SOX6: variants seen among roughly 807,000 people sequenced by gnomAD.
SOX6 encodes transcription factor SOX-6.
SOX6 carries 11 observed loss-of-function variants against 97.8 expected under a neutral mutation model. The ratio of observed to expected loss-of-function variants is 0.11; its 90% CI spans 0.07 to 0.19. The LOEUF (loss-of-function observed/expected upper bound fraction) is 0.19, where lower values mean the gene tolerates loss of function less well. Ranked by LOEUF, SOX6 falls within the 10% of genes least tolerant of loss-of-function variation. The pLI is 1.00. For missense variants in SOX6, 810 were observed against 1,039.5 expected, an observed-to-expected ratio of 0.78 and a Z score of 3.04; for synonymous variants, 360 against 371.4, an observed-to-expected ratio of 0.97 and a Z score of 0.35.
chr11:16,031,883 C>T (rs566004821), intron 12 of SOX6, among the ~76,000 whole-genome samples: 2 of 151,812 alleles, frequency 1.3e-5, no homozygotes, highest in East Asian at 3.9e-4. Context: ...GGACCGAGGG[C>T]GATGCATCCA....
At chr11:16,467,091 C>A (rs1860054283) in intron 1 of SOX6, among the ~76,000 whole-genome samples, 1 of 151,924 alleles carries the variant, frequency 6.6e-6, no homozygotes, top group Non-Finnish European at 1.5e-5. Context: ...CAATAGGATA[C>A]CATCTTATAT....
chr11:16,602,897 T>C (rs1300301482), intron 4 of SOX6, among the ~76,000 whole-genome samples: 2 of 152,162 alleles, frequency 1.3e-5, no homozygotes, highest in African/African-American at 4.8e-5. Flanking sequence ...GGCGTGTGCC[T>C]GTAATCCCAG....
intron 9 of SOX6, among the ~76,000 whole-genome samples, chr11:16,087,239 ATATG>A (rs1848597966): frequency 6.6e-6 from 1 of 152,162 alleles, no homozygotes; most frequent in Non-Finnish European, 1.5e-5. Flanking sequence ...ATGTATACAT[ATATG>A]TATGTATATA....
rs189913568 is a variant in SOX6, at chr11:16,226,914, T to C, written c.535+7668A>G. Among the ~76,000 whole-genome samples the C allele has an allele frequency of 1.1e-4, 17 of 152,284 alleles. No homozygotes were observed. The East Asian group carries it at 3.3e-3, about 29-fold the overall frequency. ...GGAGGAACAGCCCATAATCTATCTT[T>C]TTCTTGCTCCCACTGCAGAATTCAA... On this transcript the variant is annotated intron_variant, in intron 4 of 15. Transcript: ENST00000683767.
chr11:16,404,370 C>G (rs370304313), intron 1 of SOX6, among the ~76,000 whole-genome samples: 1 of 151,800 alleles, frequency 6.6e-6, no homozygotes, highest in African/African-American at 2.4e-5. Context: ...GCCCTCACCA[C>G]GGGAATTCTG....
At chr11:16,290,747 A>G (rs898488255) in intron 3 of SOX6, among the ~76,000 whole-genome samples, 1 of 152,054 alleles carries the variant, frequency 6.6e-6, no homozygotes, top group African/African-American at 2.4e-5. Flanking sequence ...CAATACAACA[A>G]AAACAACGTT....
rs1860759953 is a variant in SOX6, at chr11:16,504,791, C to A, written n.610-28403G>T. On this transcript the variant is annotated intron_variant and non_coding_transcript_variant, in intron 4 of 5. Transcript: ENST00000524520. ...CCCATGCTGTTCTTGTAATAGAGTTCTCCCCAGATCTACTTGTTTAAAAGT... is the reference window on the plus strand; with the variant it reads ...CCCATGCTGTTCTTGTAATAGAGTTATCCCCAGATCTACTTGTTTAAAAGT... 3.3e-5 allele frequency among the ~76,000 whole-genome samples: 5 copies of A among 152,060 alleles called. No individual in the cohort carries two copies. In the South Asian group the frequency reaches 1.0e-3, roughly 32 times the overall value.
chr11:16,477,890 C>G (rs935523341), upstream of SOX6, among the ~76,000 whole-genome samples: 1 of 152,136 alleles, frequency 6.6e-6, no homozygotes, highest in African/African-American at 2.4e-5. Context: ...GCAAGAAGTA[C>G]AGGACAGTCT....
chr11:16,374,649 A>G (rs768773818), intron 1 of SOX6, among the ~76,000 whole-genome samples: 2 of 152,096 alleles, frequency 1.3e-5, no homozygotes, highest in African/African-American at 2.4e-5. Flanking sequence ...TGTTAAAAAC[A>G]TGTGGTGAGG....
At chr11:16,359,466 T>C (rs1834088970), upstream of SOX6, among the ~76,000 whole-genome samples, 1 of 151,996 alleles carries the variant, frequency 6.6e-6, no homozygotes, top group South Asian at 2.1e-4. Context: ...ATTTCCCTTA[T>C]GAAAAAAAAA....
At position 16,570,399 on chromosome 11, in the gene SOX6, A is replaced by T. The variant is rs184401421; in HGVS notation, n.609+41682T>A. On this transcript the variant is annotated intron_variant and non_coding_transcript_variant, in intron 4 of 5. Transcript: ENST00000524520. ...CTACTTGCTTAGGTTTTTCAATGAA[A>T]AAAAAAACTTGTATTTAAAAAGAAA... Among the ~76,000 whole-genome samples the T allele has an allele frequency of 3.9e-3, 590 of 152,156 alleles. 3 individuals carry two copies. Among genetic ancestry groups the T allele is most frequent in the African/African-American group, 0.014 (571 of 41,518 alleles).
chr11:16,264,209 A>G (rs1029037706), intron 3 of SOX6, among the ~76,000 whole-genome samples: 5 of 151,780 alleles, frequency 3.3e-5, no homozygotes, highest in Non-Finnish European at 7.4e-5. Flanking sequence ...TTTCTACTCC[A>G]TTTGCACCCA....
chr11:16,590,695 C>T (rs1324385468), intron 4 of SOX6, among the ~76,000 whole-genome samples: 1 of 151,718 alleles, frequency 6.6e-6, no homozygotes, highest in African/African-American at 2.4e-5. Flanking sequence ...AAGCCAGTCA[C>T]AGAAAGACAA....
chr11:16,566,571 T>C (rs1175551100), intron 4 of SOX6, among the ~76,000 whole-genome samples: 1 of 152,242 alleles, frequency 6.6e-6, no homozygotes, highest in Non-Finnish European at 1.5e-5. Flanking sequence ...CAAAGCATTA[T>C]TGCCCTATGG....
intron 3 of SOX6, among the ~76,000 whole-genome samples, chr11:16,282,777 G>A (rs918900755): frequency 6.0e-5 from 9 of 150,680 alleles, no homozygotes; most frequent in East Asian, 1.9e-4. Flanking sequence ...ATATGTATAC[G>A]CCAAAAAACT....
At chr11:16,178,140 C>G (rs1387177857) in intron 6 of SOX6, among the ~76,000 whole-genome samples, 1 of 151,960 alleles carries the variant, frequency 6.6e-6, no homozygotes, top group Non-Finnish European at 1.5e-5. Context: ...CTCTTGGGAT[C>G]TGGTCAGTTC....
chr11:16,135,570 C>T (rs1386609796), intron 6 of SOX6, among the ~76,000 whole-genome samples: 4 of 152,122 alleles, frequency 2.6e-5, no homozygotes, highest in Non-Finnish European at 5.9e-5. Context: ...ATGGTGGAAA[C>T]AGTAAGAGAA....
At chr11:16,456,494 T>C (rs750072971) in intron 1 of SOX6, among the ~76,000 whole-genome samples, 1 of 152,066 alleles carries the variant, frequency 6.6e-6, no homozygotes, top group African/African-American at 2.4e-5. Flanking sequence ...CTGAGGTTTA[T>C]AAATGCAAAG....
intron 4 of SOX6, among the ~76,000 whole-genome samples, chr11:16,197,805 G>GA (rs1414553500): frequency 2.0e-5 from 3 of 152,174 alleles, no homozygotes; most frequent in African/African-American, 4.8e-5. Context: ...CCTGGGTCCA[G>GA]AAATGACCAA....
Sources: gnomAD v4.1 joint callset for allele counts (sites outside exome capture counted in the v4.1 genomes callset) on GRCh38, gnomAD v4.1.1 for gene constraint, MANE v1.5 for transcripts, NCBI Gene and HGNC (gene_info 2026-07-23, HGNC 2026-07-21) for gene names.